The following PLCB1 variants were observed in gnomAD, a reference collection of about 807,000 sequenced individuals.
PLCB1 encodes 1-phosphatidylinositol 4,5-bisphosphate phosphodiesterase beta-1.
PLCB1 carries 46 observed loss-of-function variants against 161.8 expected under a neutral mutation model. The observed-to-expected ratio is 0.28, with a 90% CI of 0.22 to 0.36. The LOEUF (loss-of-function observed/expected upper bound fraction) is 0.36, where lower values mean the gene tolerates loss of function less well. Ranked by LOEUF, PLCB1 falls within the 10% of genes least tolerant of loss-of-function variation. The pLI, the probability that PLCB1 is intolerant of heterozygous loss-of-function variation, is 1.00. For synonymous variants in PLCB1, 517 were observed against 503.7 expected (o/e 1.03, Z -0.35); for missense variants, 1,016 against 1,472.5 (o/e 0.69, Z 5.07).
At chr20:8,134,964 G>A (rs928530928) in intron 1 of PLCB1, among the ~76,000 whole-genome samples, 6 of 151,724 alleles carry the variant, frequency 4.0e-5, no homozygotes, top group African/African-American at 1.5e-4. Flanking sequence ...GGGTCTTCAT[G>A]CTGATCAGTG....
chr20:8,740,696 T>A (rs918525355), intron 22 of PLCB1, among the ~76,000 whole-genome samples: 1 of 152,204 alleles, frequency 6.6e-6, no homozygotes, highest in African/African-American at 2.4e-5. Context: ...TCCCTTTTAG[T>A]CTTATTCTCA....
intron 2 of PLCB1, among the ~76,000 whole-genome samples, chr20:8,240,360 A>AT (rs1349713251): frequency 1.3e-5 from 2 of 151,914 alleles, no homozygotes; most frequent in Non-Finnish European, 2.9e-5. Context: ...TTCAATACAT[A>AT]GCATTTTTTT....
At chr20:8,748,056 C>A (rs1301820961) in intron 23 of PLCB1, among the ~76,000 whole-genome samples, 1 of 152,150 alleles carries the variant, frequency 6.6e-6, no homozygotes, top group Admixed American at 6.6e-5. Context: ...AAATAAAATT[C>A]TTCCTCCTTC....
chr20:8,259,576 A>G (rs1259405136), intron 2 of PLCB1, among the ~76,000 whole-genome samples: 1 of 152,064 alleles, frequency 6.6e-6, no homozygotes, highest in Admixed American at 6.6e-5. Flanking sequence ...AGATCACACC[A>G]CTGCACTCCA....
chr20:8,345,018 C>T (rs1230236226), intron 2 of PLCB1, among the ~76,000 whole-genome samples: 4 of 152,196 alleles, frequency 2.6e-5, no homozygotes, highest in Non-Finnish European at 5.9e-5. Flanking sequence ...ACTACTCTAA[C>T]CAACTGGCAA....
intron 4 of PLCB1, among the ~76,000 whole-genome samples, chr20:8,640,032 C>A (rs947055887): frequency 1.3e-5 from 2 of 152,082 alleles, no homozygotes; most frequent in African/African-American, 4.8e-5. Context: ...GATTGAGTTA[C>A]CAAGGGCAAA....
At chr20:8,170,806 A>G (rs2051725715) in intron 2 of PLCB1, among the ~76,000 whole-genome samples, 1 of 152,202 alleles carries the variant, frequency 6.6e-6, no homozygotes, top group Non-Finnish European at 1.5e-5. Flanking sequence ...AAATGGCCAA[A>G]CACAGGCGGT....
chr20:8,168,796 A>G (rs760406659), intron 2 of PLCB1, among the ~76,000 whole-genome samples: 1 of 151,812 alleles, frequency 6.6e-6, no homozygotes, highest in Non-Finnish European at 1.5e-5. Context: ...GGAAATGGAA[A>G]TAATTCAAAA....
At chr20:8,646,662 C>T (rs10485725) in intron 5 of PLCB1, among the ~76,000 whole-genome samples, 2 of 151,870 alleles carry the variant, frequency 1.3e-5, no homozygotes, top group Non-Finnish European at 2.9e-5. Context: ...TGTAGATGAT[C>T]CCAGCAAGTA....
rs1987008510 is a variant in PLCB1 at position 8,586,938 on chromosome 20, A to T, written c.247-41356A>T. Among the ~76,000 whole-genome samples, 4 of 152,132 alleles carry T rather than the reference A, an allele frequency of 2.6e-5. No homozygotes were observed. In the South Asian group the frequency reaches 8.3e-4, roughly 32 times the overall value. On this transcript the variant is annotated intron_variant, in intron 3 of 31. Transcript: ENST00000338037. ...TGGAATCTGCGAGATAGAAATTCCTAGCCTCGCATTTTAGTTTAAAAAGTT... is the reference window on the plus strand; with the variant it reads ...TGGAATCTGCGAGATAGAAATTCCTTGCCTCGCATTTTAGTTTAAAAAGTT...
At chr20:8,638,941 A>G (rs1337067160) in intron 4 of PLCB1, among the ~76,000 whole-genome samples, 1 of 151,652 alleles carries the variant, frequency 6.6e-6, no homozygotes, top group Non-Finnish European at 1.5e-5. Flanking sequence ...CAAATTAAGG[A>G]TTTTTAATTT....
intron 12 of PLCB1, among the ~76,000 whole-genome samples, chr20:8,709,093 G>A (rs1978852876): frequency 6.6e-6 from 1 of 151,992 alleles, no homozygotes; most frequent in Non-Finnish European, 1.5e-5. Context: ...TTCTTCATTA[G>A]CTCCTTCTAT....
intron 3 of PLCB1, among the ~76,000 whole-genome samples, chr20:8,627,866 CTG>C (rs1019133686): frequency 7.2e-5 from 11 of 152,336 alleles, no homozygotes; most frequent in African/African-American, 2.6e-4. Flanking sequence ...AGAGCCAGGG[CTG>C]TGTTTCTTCC....
chr20:8,721,626 G>C (rs953511687), intron 14 of PLCB1, among the ~76,000 whole-genome samples: 1 of 152,134 alleles, frequency 6.6e-6, no homozygotes, highest in African/African-American at 2.4e-5. Flanking sequence ...TGATATTTAA[G>C]GACTTACCCA....
chr20:8,343,835 A>G (rs1985900078), intron 2 of PLCB1, among the ~76,000 whole-genome samples: 1 of 152,194 alleles, frequency 6.6e-6, no homozygotes, highest in African/African-American at 2.4e-5. Context: ...ATGAATAAAC[A>G]TATACTATAG....
At chr20:8,409,444 T>TTATTATTATTA (rs34324742) in intron 3 of PLCB1, among the ~76,000 whole-genome samples, 1 of 147,308 alleles carries the variant, frequency 6.8e-6, no homozygotes, top group Admixed American at 6.8e-5. Flanking sequence ...GTATATTATT[T>TTATTATTATTA]TTATTATTAT....
At chr20:8,375,943 C>CAAAAAAAAA (rs34790517) in intron 3 of PLCB1, among the ~76,000 whole-genome samples, 5 of 93,048 alleles carry the variant, frequency 5.4e-5, no homozygotes, top group Admixed American at 1.2e-4. Context: ...CCAAGTGAAC[C>CAAAAAAAAA]AAAAAAAAAA....
chr20:8,657,113 G>A, intron 7 of PLCB1, 71 bp from the exon 8 acceptor site: 1 of 841,266 alleles, frequency 1.2e-6, no homozygotes, highest in Non-Finnish European at 2.1e-6. Context: ...AGAAGACAGA[G>A]AAAAAACAGG....
intron 3 of PLCB1, among the ~76,000 whole-genome samples, chr20:8,393,396 G>A (rs535452553): frequency 9.2e-4 from 140 of 152,206 alleles, no homozygotes; most frequent in African/African-American, 3.1e-3. Context: ...TGTCATCTAG[G>A]TGTGGTGGCT....
Sources: allele counts gnomAD v4.1 joint callset (sites outside exome capture counted in the v4.1 genomes callset), GRCh38; gene constraint gnomAD v4.1.1; transcripts MANE v1.5; gene names NCBI Gene and HGNC (gene_info 2026-07-23, HGNC 2026-07-21).